The following PROCR variants were observed in gnomAD, a reference collection of about 807,000 sequenced individuals.
PROCR encodes protein C receptor.
In PROCR, 22 loss-of-function variants were observed where a neutral mutation model predicts 24.2. The observed-to-expected ratio is 0.91, with a 90% CI of 0.65 to 1.30. The LOEUF (loss-of-function observed/expected upper bound fraction) is 1.30, where lower values mean the gene tolerates loss of function less well. PROCR is among the 50% of genes most tolerant of loss of function. The probability of loss-of-function intolerance (pLI) is 0.00; values close to 1 mark genes in which losing one functional copy is unlikely to be tolerated. For missense variants in PROCR, 288 were observed against 307.7 expected (o/e 0.94, Z 0.48); for synonymous variants, 137 against 139.2 (o/e 0.98, Z 0.11).
intron 1 of PROCR, among the ~76,000 whole-genome samples, chr20:35,189,295 G>C (rs990011241): frequency 6.6e-6 from 1 of 150,588 alleles, no homozygotes; most frequent in African/African-American, 2.5e-5. Flanking sequence ...GGCCACTCTG[G>C]AGGGGTGTCT....
chr20:35,204,700 T>C (rs1287605014), intron 1 of PROCR, among the ~76,000 whole-genome samples: 2 of 152,028 alleles, frequency 1.3e-5, no homozygotes, highest in Admixed American at 1.3e-4. Flanking sequence ...TGGGAAATTC[T>C]ACCAAATGTT....
chr20:35,213,503 CT>C (rs538733068), intron 1 of PROCR, among the ~76,000 whole-genome samples: 30 of 150,682 alleles, frequency 2.0e-4, no homozygotes, highest in African/African-American at 7.1e-4. Flanking sequence ...TTTATTTCTG[CT>C]TTTTTTTTGG....
intron 1 of PROCR, among the ~76,000 whole-genome samples, chr20:35,189,890 T>C (rs1356202550): frequency 3.3e-5 from 5 of 152,184 alleles, no homozygotes; most frequent in Admixed American, 1.3e-4. Context: ...AATGAATGAA[T>C]TGAAGAGTTT....
downstream of PROCR, among the ~76,000 whole-genome samples, chr20:35,178,725 C>G (rs1449562067): frequency 7.1e-6 from 1 of 141,406 alleles, no homozygotes; most frequent in East Asian, 2.2e-4. Context: ...CCATTTTAGC[C>G]GGGATGGTCT....
chr20:35,184,414 T>C (rs1247564471), intron 1 of PROCR, among the ~76,000 whole-genome samples: 1 of 152,118 alleles, frequency 6.6e-6, no homozygotes, highest in African/African-American at 2.4e-5. Context: ...TCAAGATGGA[T>C]TGAGGAGCTG....
intron 1 of PROCR, among the ~76,000 whole-genome samples, chr20:35,200,370 A>C (rs1183035691): frequency 2.0e-5 from 3 of 152,172 alleles, no homozygotes; most frequent in Non-Finnish European, 4.4e-5. Context: ...TTATTTTAAG[A>C]AATTGCCACA....
chr20:35,213,384 C>G (rs2060369334), intron 1 of PROCR, among the ~76,000 whole-genome samples: 1 of 151,768 alleles, frequency 6.6e-6, no homozygotes, highest in South Asian at 2.1e-4. Flanking sequence ...CCATTTAGTC[C>G]TTCGCCATTA....
chr20:35,172,365 G>A, intron 1 of PROCR, 141 bp downstream of exon 1: 1 of 1,092,766 alleles, frequency 9.2e-7, no homozygotes, highest in Non-Finnish European at 1.4e-6. Flanking sequence ...GGCAGGCAGA[G>A]TCTTGGGGAC....
At chr20:35,181,023 C>T (rs571847827), downstream of PROCR, among the ~76,000 whole-genome samples, 1 of 152,058 alleles carries the variant, frequency 6.6e-6, no homozygotes, top group South Asian at 2.1e-4. Context: ...TGTGCCACCA[C>T]GCCCGGCTAA....
At position 35,177,146 on chromosome 20, in the gene PROCR, G is replaced by A; in HGVS notation, c.*333G>A. 1.7e-6 allele frequency: 2 copies of A among 1,176,020 alleles called. No individual in the cohort carries two copies. Among genetic ancestry groups the A allele is most frequent in the Non-Finnish European group, 2.1e-6 (2 of 937,560 alleles). The allele number at this position is 1,176,020 out of a possible 1,614,324, so 72.8% of individuals were successfully genotyped here. Reference sequence around the variant, plus strand: ...CCTCCAAAGACAGACAGAATCACCTGAGGCGTTCAAAAGATATAACCAAAT... The same window carrying A: ...CCTCCAAAGACAGACAGAATCACCTAAGGCGTTCAAAAGATATAACCAAAT... On this transcript the variant is annotated 3_prime_UTR_variant, in exon 4 of 4. Transcript: ENST00000216968.
Position 35,177,165 on chromosome 20 carries a change from A to G in PROCR, c.*352A>G. On this transcript the variant is annotated 3_prime_UTR_variant, in exon 4 of 4. Transcript: ENST00000216968. The stretch of plus-strand genomic sequence containing the variant: ...TCACCTGAGGCGTTCAAAAGATATA[A>G]CCAAATAAACAAGTCATCCACAATC... 1 of 1,142,096 alleles carries G rather than the reference A, an allele frequency of 8.8e-7. No individual in the cohort carries two copies. Among genetic ancestry groups the G allele is most frequent in the Non-Finnish European group, 1.1e-6 (1 of 919,976 alleles). The allele number at this position is 1,142,096 out of a possible 1,614,324, so 70.7% of individuals were successfully genotyped here. A position where few individuals can be genotyped will look rare whatever the true frequency, so the allele number is the denominator to read the frequency against.
intron 1 of PROCR, among the ~76,000 whole-genome samples, chr20:35,197,482 A>C (rs2060302178): frequency 6.6e-6 from 1 of 152,160 alleles, no homozygotes; most frequent in Non-Finnish European, 1.5e-5. Context: ...ATACATTGAA[A>C]TTAGGCCAAT....
downstream of PROCR, among the ~76,000 whole-genome samples, chr20:35,179,358 A>G (rs1000518926): frequency 6.6e-6 from 1 of 151,866 alleles, no homozygotes; most frequent in Non-Finnish European, 1.5e-5. Flanking sequence ...CCTAGACAAC[A>G]TAGTGAGACC....
intron 1 of PROCR, among the ~76,000 whole-genome samples, chr20:35,195,054 T>C (rs1319111691): frequency 6.6e-6 from 1 of 152,220 alleles, no homozygotes; most frequent in Non-Finnish European, 1.5e-5. Context: ...AAAGTAGCTA[T>C]TATAACCATC....
intron 1 of PROCR, among the ~76,000 whole-genome samples, chr20:35,190,496 T>G (rs1447728108): frequency 6.6e-6 from 1 of 152,178 alleles, no homozygotes; most frequent in African/African-American, 2.4e-5. Flanking sequence ...ACAAAACCCA[T>G]TATTTTATTA....
intron 1 of PROCR, among the ~76,000 whole-genome samples, chr20:35,201,180 A>C (rs6142323): frequency 6.6e-6 from 1 of 150,546 alleles, no homozygotes. Flanking sequence ...AAAAAAAAAA[A>C]CCACAAAAGA....
chr20:35,205,913 C>A (rs1044586799), intron 1 of PROCR, among the ~76,000 whole-genome samples: 1 of 148,468 alleles, frequency 6.7e-6, no homozygotes, highest in African/African-American at 2.5e-5. Flanking sequence ...GTGATCCCCC[C>A]CCCAACCTCG....
chr20:35,189,956 T>C (rs769831703), intron 1 of PROCR, among the ~76,000 whole-genome samples: 2 of 152,230 alleles, frequency 1.3e-5, no homozygotes, highest in Non-Finnish European at 2.9e-5. Flanking sequence ...TAATAATCCC[T>C]CGCCTTTTTG....
intron 1 of PROCR, among the ~76,000 whole-genome samples, chr20:35,205,466 T>TAC (rs1204069690): frequency 6.8e-6 from 1 of 146,520 alleles, no homozygotes; most frequent in Non-Finnish European, 1.5e-5. Context: ...TATATATATA[T>TAC]ATTGGCCGGG....
Sources: allele counts gnomAD v4.1 joint callset (sites outside exome capture counted in the v4.1 genomes callset), GRCh38; gene constraint gnomAD v4.1.1; transcripts MANE v1.5; gene names NCBI Gene and HGNC (gene_info 2026-07-23, HGNC 2026-07-21).